RALGPS1: variants seen among roughly 807,000 people sequenced by gnomAD.
RALGPS1 encodes ras-specific guanine nucleotide-releasing factor RalGPS1.
In RALGPS1, 19 loss-of-function variants were observed where a neutral mutation model predicts 78.8. The ratio of observed to expected loss-of-function variants is 0.24; its 90% confidence interval spans 0.17 to 0.35. The LOEUF is 0.35. Ranked by LOEUF, RALGPS1 falls within the 10% of genes least tolerant of loss-of-function variation. The pLI is 1.00. For synonymous variants in RALGPS1, 228 were observed against 256.3 expected, an observed-to-expected ratio of 0.89 and a Z score of 1.06; for missense variants, 454 against 688.3, an observed-to-expected ratio of 0.66 and a Z score of 3.81.
chr9:126,975,766 C>T (rs1013025447), intron 3 of RALGPS1, among the ~76,000 whole-genome samples: 1 of 152,148 alleles, frequency 6.6e-6, no homozygotes, highest in Admixed American at 6.5e-5. Flanking sequence ...TTATGAGGGC[C>T]AGATACATTA....
rs539845496 is a variant in RALGPS1, at chr9:126,966,187, G to A, written c.165+236G>A. ...TATATATATAAATGTGAAAGGAGCAGACTAAAGCAACGTTTGTGGAGAACG... is the reference window on the plus strand; with the variant it reads ...TATATATATAAATGTGAAAGGAGCAAACTAAAGCAACGTTTGTGGAGAACG... On this transcript the variant is annotated intron_variant, in intron 3 of 18. Coordinates refer to ENST00000259351, the MANE Select transcript of RALGPS1 (RefSeq NM_014636.3). 2.2e-4 allele frequency among the ~76,000 whole-genome samples: 34 copies of A among 152,284 alleles called. No homozygotes were observed. In the South Asian group the frequency reaches 7.0e-3, roughly 32 times the overall value.
intron 8 of RALGPS1, among the ~76,000 whole-genome samples, chr9:127,118,053 A>T (rs1352615081): frequency 6.6e-6 from 1 of 152,172 alleles, no homozygotes; most frequent in Non-Finnish European, 1.5e-5. Flanking sequence ...CCCCACACCC[A>T]ACATTTTATT....
chr9:127,138,056 G>A (rs1168684092), intron 8 of RALGPS1, among the ~76,000 whole-genome samples: 3 of 152,212 alleles, frequency 2.0e-5, no homozygotes, highest in East Asian at 3.8e-4. Flanking sequence ...AACCTCAAAT[G>A]GGAGAGCTAA....
chr9:126,973,475 T>C (rs1206289371), intron 3 of RALGPS1, among the ~76,000 whole-genome samples: 2 of 152,168 alleles, frequency 1.3e-5, no homozygotes, highest in Non-Finnish European at 2.9e-5. Flanking sequence ...CTTGAGTGAT[T>C]AAATTATTTA....
intron 1 of RALGPS1, among the ~76,000 whole-genome samples, chr9:126,921,494 G>A (rs1163880161): frequency 6.6e-6 from 1 of 152,246 alleles, no homozygotes; most frequent in African/African-American, 2.4e-5. Context: ...TTGCTGAGGA[G>A]CGCAGAGACC....
At chr9:127,036,304 C>G (rs1206196319) in intron 5 of RALGPS1, among the ~76,000 whole-genome samples, 1 of 152,184 alleles carries the variant, frequency 6.6e-6, no homozygotes. Flanking sequence ...ATTGGAGCTG[C>G]CTTCTTTGGG....
At chr9:127,167,120 A>T (rs537866213) in intron 9 of RALGPS1, among the ~76,000 whole-genome samples, 1 of 152,308 alleles carries the variant, frequency 6.6e-6, no homozygotes, top group East Asian at 1.9e-4. Context: ...GCACCAAAGA[A>T]GGGTGGTAGG....
chr9:126,958,158 T>TATATATATATATATATATATATAC (rs1345241110), intron 1 of RALGPS1, among the ~76,000 whole-genome samples: 285 of 120,962 alleles, frequency 2.4e-3, no homozygotes, highest in Middle Eastern at 4.1e-3. Context: ...TATATATATA[T>TATATATATATATATATATATATAC]ACACACACAC....
chr9:127,041,098 T>C (rs909486419), intron 5 of RALGPS1, among the ~76,000 whole-genome samples: 4 of 150,322 alleles, frequency 2.7e-5, no homozygotes, highest in Admixed American at 1.3e-4. Flanking sequence ...TTCTTTCTTT[T>C]TTTTTATCCC....
chr9:127,116,817 T>G (rs1451151419), intron 8 of RALGPS1, among the ~76,000 whole-genome samples: 1 of 152,204 alleles, frequency 6.6e-6, no homozygotes, highest in Non-Finnish European at 1.5e-5. Flanking sequence ...GCTATGACTA[T>G]CCTCATTTCA....
intron 1 of RALGPS1, among the ~76,000 whole-genome samples, chr9:126,938,253 T>C (rs1436549769): frequency 6.6e-6 from 1 of 152,154 alleles, no homozygotes; most frequent in Non-Finnish European, 1.5e-5. Flanking sequence ...AAGGCCAGGA[T>C]ATATTGTTAG....
intron 4 of RALGPS1, among the ~76,000 whole-genome samples, chr9:127,030,369 C>CT (rs1031233051): frequency 2.6e-5 from 4 of 152,116 alleles, no homozygotes; most frequent in Admixed American, 2.6e-4. Flanking sequence ...GAAAATAAGA[C>CT]TAAGAGTGAG....
Position 126,946,914 on chromosome 9 carries a change from C to T in RALGPS1, c.-65-15311C>T, listed in dbSNP as rs375505573. Among the ~76,000 whole-genome samples, 5 of 152,260 alleles carry T rather than the reference C, an allele frequency of 3.3e-5. No individual in the cohort carries two copies. The South Asian group carries it at 1.0e-3, about 32-fold the overall frequency. ...GAGGATTTTTTCCTCCTTCACCTGT[C>T]TTCTGCAGGCACCTTGTTTTGGAAG... is the stretch of plus-strand genomic sequence containing the variant. On this transcript the variant is annotated intron_variant, in intron 1 of 18. Coordinates refer to ENST00000259351, the MANE Select transcript of RALGPS1 (RefSeq NM_014636.3).
rs970597722 is a variant in RALGPS1 at position 126,989,787 on chromosome 9, C to T, written c.216+12042C>T. On this transcript the variant is annotated intron_variant, in intron 4 of 18. Transcript: ENST00000259351. The stretch of plus-strand genomic sequence containing the variant: ...AGATAAAATACATATTCCTGTGGGA[C>T]ACTTACTCTAGAGGGATTCGATTTC... 2.8e-6 allele frequency: 4 copies of T among 1,435,080 alleles called. No homozygotes were observed. The South Asian group carries it at 5.8e-5, about 21-fold the overall frequency. 88.9% of individuals were successfully genotyped at this position (1,435,080 alleles called of 1,614,324 possible). A position where few individuals can be genotyped will look rare whatever the true frequency, so the allele number is the denominator to read the frequency against.
At chr9:127,216,696 G>A (rs1164049035) in intron 18 of RALGPS1, among the ~76,000 whole-genome samples, 1 of 152,232 alleles carries the variant, frequency 6.6e-6, no homozygotes, top group African/African-American at 2.4e-5. Context: ...GAAGACAAGG[G>A]TTTTGGTCGG....
intron 8 of RALGPS1, among the ~76,000 whole-genome samples, chr9:127,136,580 T>A (rs1197015271): frequency 6.6e-6 from 1 of 151,914 alleles, no homozygotes; most frequent in Non-Finnish European, 1.5e-5. Context: ...GGAACAGCAA[T>A]TAAAACAGTC....
chr9:127,212,249 C>G lies in RALGPS1; in HGVS notation c.1353+13C>G. The G allele has an allele frequency of 6.3e-7, 1 of 1,589,568 alleles. No individual in the cohort carries two copies. Among genetic ancestry groups the G allele is most frequent in the South Asian group, 1.1e-5 (1 of 89,364 alleles). Reference sequence around the variant, plus strand: ...GCGGAAGCCTGCGGTAAGTACAGACCCACATCCACCGGGGCAGCAGGGGCT... The same window carrying G: ...GCGGAAGCCTGCGGTAAGTACAGACGCACATCCACCGGGGCAGCAGGGGCT... On this transcript the variant is annotated intron_variant, in intron 15 of 18. Transcript: ENST00000259351. The surrounding 1 kb of genome is among the most constrained non-coding windows in gnomAD (Gnocchi z 6.0).
intron 8 of RALGPS1, among the ~76,000 whole-genome samples, chr9:127,092,580 A>G (rs2052616452): frequency 6.6e-6 from 1 of 152,138 alleles, no homozygotes; most frequent in South Asian, 2.1e-4. Flanking sequence ...CACTGTTTTA[A>G]GAACTTTACA....
At chr9:127,172,944 A>G (rs1239612474) in intron 10 of RALGPS1, among the ~76,000 whole-genome samples, 1 of 151,628 alleles carries the variant, frequency 6.6e-6, no homozygotes. Context: ...TCTGGCTCCC[A>G]TTTGAGAAGC....
Sources: allele counts gnomAD v4.1 joint callset (sites outside exome capture counted in the v4.1 genomes callset), GRCh38; gene constraint gnomAD v4.1.1; non-coding constraint Gnocchi (gnomAD v3.1); transcripts MANE v1.5; gene names NCBI Gene and HGNC (gene_info 2026-07-23, HGNC 2026-07-21).